The following LEPROTL1 variants were observed in gnomAD, a reference collection of about 807,000 sequenced individuals.
LEPROTL1 encodes leptin receptor overlapping transcript like 1, also known as leptin receptor overlapping transcript-like 1.
LEPROTL1 carries 6 observed loss-of-function variants against 15.4 expected under a neutral mutation model. The ratio of observed to expected loss-of-function variants is 0.39; its 90% CI spans 0.21 to 0.77. The LOEUF (loss-of-function observed/expected upper bound fraction) is 0.77. Ranked by LOEUF, LEPROTL1 falls within the 30% of genes least tolerant of loss-of-function variation. The pLI, the probability that LEPROTL1 is intolerant of heterozygous loss-of-function variation, is 0.41. For missense variants in LEPROTL1, 128 were observed against 158.1 expected, an observed-to-expected ratio of 0.81 and a Z score of 1.02; for synonymous variants, 56 against 52.6, an observed-to-expected ratio of 1.06 and a Z score of -0.28.
chr8:30,099,701 G>A (rs1043983191), intron 1 of LEPROTL1, among the ~76,000 whole-genome samples: 3 of 152,060 alleles, frequency 2.0e-5, no homozygotes, highest in Non-Finnish European at 2.9e-5. Context: ...AAAGTAGAGA[G>A]GAGTGGGAAA....
At chr8:30,099,923 C>T (rs1215157857) in intron 1 of LEPROTL1, among the ~76,000 whole-genome samples, 3 of 152,160 alleles carry the variant, frequency 2.0e-5, no homozygotes, top group Admixed American at 1.3e-4. Context: ...TGGTGTGACA[C>T]GTCACAGGAG....
chr8:30,113,107 C>T (rs1264439152), downstream of LEPROTL1, among the ~76,000 whole-genome samples: 6 of 95,436 alleles, frequency 6.3e-5, no homozygotes, highest in Middle Eastern at 0.013. Context: ...CCCGTCTCTC[C>T]AAAAAAAAAA....
rs1026349482 is a variant in LEPROTL1, at chr8:30,104,275, C to A, written c.93-25C>A. The A allele has an allele frequency of 8.0e-6, 11 of 1,379,048 alleles. No individual in the cohort carries two copies. In the African/African-American group the frequency reaches 1.6e-4, roughly 20 times the overall value. The allele number at this position is 1,379,048 out of a possible 1,614,324, so 85.4% of individuals were successfully genotyped here. A position where few individuals can be genotyped will look rare whatever the true frequency, so the allele number is the denominator to read the frequency against. On this transcript the variant is annotated intron_variant, in intron 2 of 3. Transcript: ENST00000321250. ...TAGGAAAATGACATAGCAAAAATTA[C>A]ATTAACTTATTTTTCTTTTTCTAGC...
intron 3 of LEPROTL1, among the ~76,000 whole-genome samples, chr8:30,115,843 TA>T (rs1020599660): frequency 3.2e-4 from 48 of 152,268 alleles, no homozygotes; most frequent in African/African-American, 1.2e-3. Flanking sequence ...CCAGTGTTCC[TA>T]AGAAATTATA....
At chr8:30,137,451 T>G (rs1465537813) in exon 5 of LEPROTL1, 31 of 1,551,646 alleles carry the variant, frequency 2.0e-5, no homozygotes, top group Non-Finnish European at 2.7e-5. Context: ...TGGGCAGGCC[T>G]GCTCTGTGGG....
rs1286522094 is a variant in LEPROTL1, at chr8:30,108,314, A to G, written c.*2452A>G. On this transcript the variant is annotated 3_prime_UTR_variant, in exon 4 of 4. Coordinates refer to ENST00000321250, the MANE Select transcript of LEPROTL1 (RefSeq NM_015344.3). ...AATTTTTACAAAATCTTTTACAAAA[A>G]TAGTCATAAAAGGTTTTGTTGACAT... 2 of 152,420 alleles carry G rather than the reference A, an allele frequency of 1.3e-5. No individual in the cohort carries two copies. Among genetic ancestry groups the G allele is most frequent in the Non-Finnish European group, 2.9e-5 (2 of 68,206 alleles). 9.4% of individuals were successfully genotyped at this position (152,420 alleles called of 1,614,324 possible). A position where few individuals can be genotyped will look rare whatever the true frequency, so the allele number is the denominator to read the frequency against.
chr8:30,129,024 G>T (rs1406214358), intron 3 of LEPROTL1, among the ~76,000 whole-genome samples: 2 of 152,050 alleles, frequency 1.3e-5, no homozygotes, highest in Non-Finnish European at 2.9e-5. Context: ...GTGAGAGAAA[G>T]TATAGAACCC....
At chr8:30,095,665 C>T (rs1802348717) in intron 1 of LEPROTL1, 137 bp downstream of exon 1, 1 of 759,864 alleles carries the variant, frequency 1.3e-6, no homozygotes, top group South Asian at 2.2e-5. Context: ...GCGACCCCCG[C>T]CCCGGCCCTG....
At chr8:30,131,793 A>G (rs1411491265) in intron 3 of LEPROTL1, 1 of 888,144 alleles carries the variant, frequency 1.1e-6, no homozygotes, top group Non-Finnish European at 1.7e-6. Flanking sequence ...TAGATACACA[A>G]ATTCCTACTG....
chr8:30,103,339 G>C (rs1006792490), intron 2 of LEPROTL1, among the ~76,000 whole-genome samples: 1 of 152,204 alleles, frequency 6.6e-6, no homozygotes, highest in African/African-American at 2.4e-5. Flanking sequence ...CAATAGGAAA[G>C]TGGGCAAGAG....
intron 3 of LEPROTL1, among the ~76,000 whole-genome samples, chr8:30,129,738 CACACACACACACACACACAA>C (rs1802965469): frequency 1.3e-5 from 2 of 151,440 alleles, no homozygotes; most frequent in African/African-American, 2.4e-5. Context: ...CACACACACA[CACACACACACACACACACAA>C]AGAACTACCT....
At chr8:30,100,488 C>G (rs766455943) in intron 1 of LEPROTL1, among the ~76,000 whole-genome samples, 2 of 152,050 alleles carry the variant, frequency 1.3e-5, no homozygotes, top group Non-Finnish European at 2.9e-5. Context: ...CTTGCTCTGT[C>G]GCACAGGCTG....
chr8:30,132,377 T>A (rs150825663), exon 4 of LEPROTL1: 10 of 1,551,704 alleles, frequency 6.4e-6, no homozygotes, highest in Non-Finnish European at 8.7e-6. Context: ...CTTTCCAGGG[T>A]CCAGATGTCT....
intron 3 of LEPROTL1, among the ~76,000 whole-genome samples, chr8:30,115,287 G>T (rs1333768560): frequency 6.6e-6 from 1 of 151,916 alleles, no homozygotes; most frequent in African/African-American, 2.4e-5. Flanking sequence ...AGCCCAGGAG[G>T]CAGAGATTGC....
intron 3 of LEPROTL1, among the ~76,000 whole-genome samples, chr8:30,123,107 T>C (rs1802854496): frequency 6.6e-6 from 1 of 152,072 alleles, no homozygotes; most frequent in Non-Finnish European, 1.5e-5. Context: ...AGGCCAGGGG[T>C]CTCTGCTCCT....
chr8:30,129,872 C>T (rs561697569), intron 3 of LEPROTL1, among the ~76,000 whole-genome samples: 5 of 152,010 alleles, frequency 3.3e-5, no homozygotes, highest in East Asian at 1.9e-4. Context: ...AAAATCGTGG[C>T]GGAAGGTGAA....
chr8:30,128,725 C>CT (rs1802944022), intron 3 of LEPROTL1, among the ~76,000 whole-genome samples: 1 of 150,638 alleles, frequency 6.6e-6, no homozygotes, highest in Non-Finnish European at 1.5e-5. Flanking sequence ...GCACTCCAGC[C>CT]TGGGTGACAG....
At chr8:30,132,658 G>A in intron 4 of LEPROTL1, 1 of 1,551,736 alleles carries the variant, frequency 6.4e-7, no homozygotes, top group Middle Eastern at 1.7e-4. Context: ...AGAGTGTCTG[G>A]GATGCAAAGC....
rs1802596459 is a variant in LEPROTL1, at chr8:30,107,943, T to G, written c.*2081T>G. The G allele has an allele frequency of 1.0e-6, 1 of 985,234 alleles. No homozygotes were observed. Among genetic ancestry groups the G allele is most frequent in the African/African-American group, 1.7e-5 (1 of 57,364 alleles). The allele number at this position is 985,234 out of a possible 1,614,324, so 61.0% of individuals were successfully genotyped here. A position where few individuals can be genotyped will look rare whatever the true frequency, so the allele number is the denominator to read the frequency against. ...TATACTAGCTTGACATAGTGCTGTCTCTGATTTCTAGGCTAGTTACTTGAG... is the reference window on the plus strand; with the variant it reads ...TATACTAGCTTGACATAGTGCTGTCGCTGATTTCTAGGCTAGTTACTTGAG... On this transcript the variant is annotated 3_prime_UTR_variant, in exon 4 of 4. Transcript: ENST00000321250.
Sources: allele counts gnomAD v4.1 joint callset (sites outside exome capture counted in the v4.1 genomes callset), GRCh38; gene constraint gnomAD v4.1.1; transcripts MANE v1.5; gene names NCBI Gene and HGNC (gene_info 2026-07-23, HGNC 2026-07-21).